THEMIS: variants seen among roughly 807,000 people sequenced by gnomAD.
THEMIS encodes the protein thymocyte selection associated, also known as protein THEMIS.
In THEMIS, 37 loss-of-function variants were observed where a neutral mutation model predicts 52.6. That is an observed-to-expected ratio of 0.70 (90% CI 0.54 to 0.93). The LOEUF (loss-of-function observed/expected upper bound fraction) is 0.93. THEMIS is among the 40% of genes least tolerant of loss of function. The probability of loss-of-function intolerance (pLI) is 0.00; values close to 1 mark genes in which losing one functional copy is unlikely to be tolerated. For missense variants in THEMIS, 808 were observed against 763.1 expected, an observed-to-expected ratio of 1.06 and a Z score of -0.69; for synonymous variants, 292 against 272.7, an observed-to-expected ratio of 1.07 and a Z score of -0.70.
intron 4 of THEMIS, among the ~76,000 whole-genome samples, chr6:127,760,537 C>T (rs1775986140): frequency 6.6e-6 from 1 of 152,058 alleles, no homozygotes. Flanking sequence ...GAAATCTCAG[C>T]ACTTTGGGAG....
intron 4 of THEMIS, among the ~76,000 whole-genome samples, chr6:127,770,405 G>T (rs1005647824): frequency 1.3e-5 from 2 of 152,138 alleles, no homozygotes; most frequent in African/African-American, 4.8e-5. Flanking sequence ...GTGTCTTTTG[G>T]TTGCATAAAT....
chr6:127,878,519 A>T (rs1780383152), intron 1 of THEMIS, among the ~76,000 whole-genome samples: 2 of 152,152 alleles, frequency 1.3e-5, no homozygotes, highest in African/African-American at 4.8e-5. Flanking sequence ...CTAGGCCTTC[A>T]GGTTTATGGG....
chr6:127,712,015 C>A (rs776865118), intron 5 of THEMIS, among the ~76,000 whole-genome samples: 18 of 151,886 alleles, frequency 1.2e-4, no homozygotes, highest in African/African-American at 4.1e-4. Context: ...AATGAGCTTG[C>A]AATTACTTTG....
intron 2 of THEMIS, among the ~76,000 whole-genome samples, chr6:127,847,584 C>G (rs941568785): frequency 1.3e-5 from 2 of 151,744 alleles, no homozygotes; most frequent in African/African-American, 4.8e-5. Context: ...TATATTTTAA[C>G]CAAGGAGGTG....
chr6:127,710,726 T>A (rs1183127671), intron 5 of THEMIS, among the ~76,000 whole-genome samples: 1 of 151,940 alleles, frequency 6.6e-6, no homozygotes, highest in Non-Finnish European at 1.5e-5. Flanking sequence ...TACTATGGCT[T>A]TATGGAGCGC....
At chr6:127,701,323 G>C in the THEMIS span, among the ~76,000 whole-genome samples, 1 of 151,950 alleles carries the variant, frequency 6.6e-6, no homozygotes, top group Non-Finnish European at 1.5e-5. Context: ...TAATTTTTAT[G>C]ATTCTGGTTT....
chr6:127,838,793 C>T (rs1285190783), intron 2 of THEMIS, among the ~76,000 whole-genome samples: 3 of 152,064 alleles, frequency 2.0e-5, no homozygotes, highest in Non-Finnish European at 4.4e-5. Flanking sequence ...CTTTATCAAA[C>T]AGCAAATAAT....
chr6:127,767,009 A>G lies in THEMIS; in HGVS notation c.1758+45874T>C, dbSNP rs140085083. On this transcript the variant is annotated intron_variant, in intron 4 of 5. Coordinates refer to ENST00000368248, the MANE Select transcript of THEMIS (RefSeq NM_001010923.3). ...CTTACCGTAACTTTATTACTTTATA[A>G]ATGTTTTAATTTTTTGACTCTTTTG... is the stretch of plus-strand genomic sequence containing the variant. Among the ~76,000 whole-genome samples the G allele has an allele frequency of 4.6e-5, 7 of 152,326 alleles. No homozygotes were observed. In the East Asian group the frequency reaches 1.2e-3, roughly 25 times the overall value.
intron 4 of THEMIS, among the ~76,000 whole-genome samples, chr6:127,804,861 T>C (rs1777648782): frequency 6.6e-6 from 1 of 152,158 alleles, no homozygotes. Flanking sequence ...AACAAACTTT[T>C]ATTAAGGACA....
rs533085857 is a variant in THEMIS at position 127,714,354 on chromosome 6, A to G, written c.1895-4338T>C. Among the ~76,000 whole-genome samples the G allele has an allele frequency of 1.1e-4, 16 of 152,012 alleles. No individual in the cohort carries two copies. In the East Asian group the frequency reaches 2.5e-3, roughly 24 times the overall value. On this transcript the variant is annotated intron_variant, in intron 5 of 5. Coordinates refer to ENST00000368248, the MANE Select transcript of THEMIS (RefSeq NM_001010923.3). ...GATGTGTTCCAATAAAACTTTATTC[A>G]TAGATATTAAAATTTGAAATTTATA... is the stretch of plus-strand genomic sequence containing the variant.
intron 1 of THEMIS, among the ~76,000 whole-genome samples, chr6:127,887,501 T>C (rs1464212486): frequency 6.6e-6 from 1 of 152,108 alleles, no homozygotes; most frequent in Non-Finnish European, 1.5e-5. Flanking sequence ...GGTATATCCA[T>C]ACAATAAAAT....
chr6:127,802,278 G>C (rs1036092923), intron 4 of THEMIS, among the ~76,000 whole-genome samples: 18 of 152,186 alleles, frequency 1.2e-4, no homozygotes, highest in African/African-American at 4.3e-4. Context: ...TTGCAAAATA[G>C]ATTTATGAGG....
intron 4 of THEMIS, chr6:127,807,346 T>A: frequency 4.0e-6 from 1 of 251,330 alleles, no homozygotes; most frequent in Non-Finnish European, 7.9e-6. Context: ...GGCAACAGAG[T>A]GAGAATTCAT....
chr6:127,812,812 C>G, intron 4 of THEMIS, 71 bp downstream of exon 4: 1 of 1,451,210 alleles, frequency 6.9e-7, no homozygotes, highest in Non-Finnish European at 9.3e-7. Context: ...AAAACACACT[C>G]AGAAAAGACT....
At chr6:127,821,178 G>A (rs1241759168) in intron 3 of THEMIS, among the ~76,000 whole-genome samples, 1 of 144,710 alleles carries the variant, frequency 6.9e-6, no homozygotes, top group Non-Finnish European at 1.6e-5. Context: ...GTGTGTGAGA[G>A]AGAGAGAGAG....
intron 2 of THEMIS, among the ~76,000 whole-genome samples, chr6:127,840,417 C>T (rs1186857369): frequency 6.6e-6 from 1 of 151,960 alleles, no homozygotes; most frequent in Non-Finnish European, 1.5e-5. Flanking sequence ...AAACATGTGT[C>T]TATATGTATG....
At chr6:127,756,181 A>G (rs1393786204) in intron 4 of THEMIS, among the ~76,000 whole-genome samples, 1 of 152,224 alleles carries the variant, frequency 6.6e-6, no homozygotes, top group Non-Finnish European at 1.5e-5. Context: ...TGTTACAAGT[A>G]TAATTATACA....
chr6:127,830,653 T>G (rs570311419), intron 2 of THEMIS, among the ~76,000 whole-genome samples: 1 of 151,336 alleles, frequency 6.6e-6, no homozygotes, highest in Admixed American at 6.6e-5. Context: ...TCCACTGCAC[T>G]CCAGCCTGGG....
chr6:127,819,979 T>A (rs1778278723), intron 3 of THEMIS, among the ~76,000 whole-genome samples: 1 of 152,208 alleles, frequency 6.6e-6, no homozygotes, highest in East Asian at 1.9e-4. Flanking sequence ...AGCACACAGA[T>A]AAGTGAAATG....
Sources: gnomAD v4.1 joint callset for allele counts (sites outside exome capture counted in the v4.1 genomes callset) on GRCh38, gnomAD v4.1.1 for gene constraint, MANE v1.5 for transcripts, NCBI Gene and HGNC (gene_info 2026-07-23, HGNC 2026-07-21) for gene names.